ZAP70: variants seen among roughly 807,000 people sequenced by gnomAD.
ZAP70 encodes zeta chain of T cell receptor associated protein kinase 70, also known as tyrosine-protein kinase ZAP-70.
Under a neutral mutation model 65.8 loss-of-function variants are expected in ZAP70, and 27 were observed. That is an observed-to-expected ratio of 0.41 (90% CI 0.30 to 0.57). The LOEUF (loss-of-function observed/expected upper bound fraction) is 0.57. ZAP70 is among the 20% of genes least tolerant of loss of function. The probability of loss-of-function intolerance (pLI) is 0.28; values close to 1 mark genes in which losing one functional copy is unlikely to be tolerated. For missense variants in ZAP70, 696 were observed against 870.5 expected, an observed-to-expected ratio of 0.80 and a Z score of 2.52; for synonymous variants, 363 against 360.8, an observed-to-expected ratio of 1.01 and a Z score of -0.07.
chr2:97,723,928 C>A, intron 2 of ZAP70, 88 bp from the exon 3 acceptor site: 2 of 1,435,836 alleles, frequency 1.4e-6, no homozygotes, highest in Non-Finnish European at 1.9e-6. Flanking sequence ...TGATGCCCTC[C>A]ACTTGGCGTC....
chr2:97,721,687 C>G (rs1677164551), intron 2 of ZAP70, among the ~76,000 whole-genome samples: 1 of 151,246 alleles, frequency 6.6e-6, no homozygotes, highest in South Asian at 2.1e-4. Flanking sequence ...CCGCCTCGGC[C>G]TCCCATAATG....
At chr2:97,726,795 A>G (rs6724539) in intron 4 of ZAP70, among the ~76,000 whole-genome samples, 74,802 of 151,838 alleles carry the variant, frequency 0.49, 19,219 homozygotes, top group African/African-American at 0.57. Context: ...AGTTGCCGGC[A>G]CAACTTCTGA....
Position 97,735,556 on chromosome 2 carries a change from G to A in ZAP70, c.1289+100G>A, listed in dbSNP as rs1376395829. 5.7e-6 allele frequency: 8 copies of A among 1,399,562 alleles called. No individual in the cohort carries two copies. In the Admixed American group the frequency reaches 1.2e-4, roughly 20 times the overall value. The allele number at this position is 1,399,562 out of a possible 1,614,324, so 86.7% of individuals were successfully genotyped here. On this transcript the variant is annotated intron_variant, in intron 10 of 13. Transcript: ENST00000264972. ...CGTGCATGCGTGTGTGGGAAGCCGG[G>A]GCACTTCCACACCATCGTGGACACA...
the ZAP70 span, among the ~76,000 whole-genome samples, chr2:97,745,246 C>T: frequency 4.0e-4 from 61 of 152,298 alleles, no homozygotes; most frequent in Admixed American, 2.3e-3. Context: ...ACCATGTTGG[C>T]CAGGCTGGTC....
chr2:97,737,329 G>A lies in ZAP70; in HGVS notation c.1290-144G>A, dbSNP rs1452891381. Reference sequence around the variant, plus strand: ...TTCACTGCTGTGTCCCCAGCCCCACGCCTGGCACACAGCAGGTGCTCAATA... The same window carrying A: ...TTCACTGCTGTGTCCCCAGCCCCACACCTGGCACACAGCAGGTGCTCAATA... On this transcript the variant is annotated intron_variant, in intron 10 of 13. Transcript: ENST00000264972. The surrounding 1 kb of genome is among the most constrained non-coding windows in gnomAD (Gnocchi z 5.0). The A allele has an allele frequency of 2.0e-5, 16 of 816,688 alleles. 1 individual carries two copies. The highest frequency in any genetic ancestry group is 9.2e-5 in the South Asian group (6 of 65,056). 50.6% of individuals were successfully genotyped at this position (816,688 alleles called of 1,614,324 possible).
At chr2:97,738,532 C>T (rs992335413) in intron 13 of ZAP70, 6 of 262,340 alleles carry the variant, frequency 2.3e-5, no homozygotes, top group Middle Eastern at 1.3e-3. Flanking sequence ...GTACCAAATA[C>T]TCATCTATTC....
intron 2 of ZAP70, among the ~76,000 whole-genome samples, chr2:97,720,169 T>C (rs1677105109): frequency 1.3e-5 from 2 of 152,208 alleles, no homozygotes; most frequent in South Asian, 4.1e-4. Flanking sequence ...TGTGTGAATG[T>C]AAATTTCCAT....
At chr2:97,747,510 TG>T in the ZAP70 span, among the ~76,000 whole-genome samples, 1 of 152,182 alleles carries the variant, frequency 6.6e-6, no homozygotes, top group Non-Finnish European at 1.5e-5. Flanking sequence ...GTGTTAAGCA[TG>T]GGCAAATCCA....
chr2:97,736,862 G>C lies in ZAP70; in HGVS notation c.1290-611G>C, dbSNP rs1349132760. 1.3e-5 allele frequency among the ~76,000 whole-genome samples: 2 copies of C among 152,120 alleles called. No individual in the cohort carries two copies. The highest frequency in any genetic ancestry group is 1.5e-5 in the Non-Finnish European group (1 of 68,028). The stretch of plus-strand genomic sequence containing the variant: ...TTACCCTGAGTTGGGTGGGAGCTAG[G>C]GGGTGCTGTGAGCAGAGGAGGGGGA... On this transcript the variant is annotated intron_variant, in intron 10 of 13. Transcript: ENST00000264972. This position sits in a 1 kb window ranked among gnomAD's most constrained non-coding sequence, Gnocchi z 4.0.
At chr2:97,716,692 C>T (rs963014897) in intron 2 of ZAP70, among the ~76,000 whole-genome samples, 5 of 152,080 alleles carry the variant, frequency 3.3e-5, no homozygotes, top group African/African-American at 4.8e-5. Flanking sequence ...TGAGGAGGCC[C>T]GTGTGGCTGG....
At chr2:97,742,895 C>T (rs1210879094), downstream of ZAP70, among the ~76,000 whole-genome samples, 1 of 152,180 alleles carries the variant, frequency 6.6e-6, no homozygotes, top group East Asian at 1.9e-4. Context: ...CTTTTCTGGG[C>T]TTCATTTAAC....
chr2:97,735,589 C>T, intron 10 of ZAP70, 133 bp downstream of exon 10: 1 of 1,034,226 alleles, frequency 9.7e-7, no homozygotes, highest in East Asian at 2.5e-5. Flanking sequence ...ACACTCTCAG[C>T]CTGCACACCC....
In ZAP70 at chr2:97,735,312, A is replaced by T; in HGVS notation, c.1145A>T (p.Glu382Val). 1 of 1,614,136 alleles carries T rather than the reference A, an allele frequency of 6.2e-7. No individual in the cohort carries two copies. The highest frequency in any genetic ancestry group is 8.5e-7 in the Non-Finnish European group (1 of 1,179,984). ...KQGTEKADTE[E>V]MMREAQIMHQ... ...GGCACGGAGAAGGCAGACACGGAAG[A>T]GATGATGCGCGAGGCGCAGATCATG... Residue 382 changes from glutamate to valine, a missense_variant, in exon 10 of 14, where the codon GAG becomes GTG. Glu to Val is a moderately radical substitution (Grantham distance 121). Around this residue, in one of 3 missense-constraint regions of ZAP70, gnomAD observed 551 missense variants for 630.0 expected, o/e 0.87. Coordinates refer to ENST00000264972, the MANE Select transcript of ZAP70 (RefSeq NM_001079.4).
chr2:97,727,773 T>C (rs1677450023), intron 4 of ZAP70, among the ~76,000 whole-genome samples: 1 of 152,176 alleles, frequency 6.6e-6, no homozygotes, highest in Admixed American at 6.5e-5. Context: ...ATCCCCACCA[T>C]CTCTGCCTCT....
At chr2:97,742,132 C>T (rs533064783), downstream of ZAP70, among the ~76,000 whole-genome samples, 5 of 152,240 alleles carry the variant, frequency 3.3e-5, no homozygotes, top group Admixed American at 6.5e-5. Flanking sequence ...GGGAAGAAAA[C>T]GCAAGGCCTG....
chr2:97,750,236 G>A, the ZAP70 span, among the ~76,000 whole-genome samples: 474 of 152,328 alleles, frequency 3.1e-3, 2 homozygotes, highest in African/African-American at 0.011. Context: ...CAGCAGCAAC[G>A]CACCGCAGTT....
chr2:97,715,527 G>C lies in ZAP70; in HGVS notation c.-22+1533G>C, dbSNP rs961366648. On this transcript the variant is annotated intron_variant, in intron 2 of 13. Coordinates refer to ENST00000264972, the MANE Select transcript of ZAP70 (RefSeq NM_001079.4). This position sits in a 1 kb window ranked among gnomAD's most constrained non-coding sequence, Gnocchi z 4.1. ...GAGTTGGGGGCCTCACTGGAGGGGC[G>C]GTGGAAGGGCATTGTTCAATCAACA... 6.6e-6 allele frequency among the ~76,000 whole-genome samples: 1 copy of C among 152,202 alleles called. No individual in the cohort carries two copies. Among genetic ancestry groups the C allele is most frequent in the Non-Finnish European group, 1.5e-5 (1 of 68,042 alleles).
chr2:97,734,382 C>T (rs1388277799), intron 8 of ZAP70, 138 bp from the exon 9 acceptor site: 1 of 1,442,730 alleles, frequency 6.9e-7, no homozygotes, highest in African/African-American at 1.4e-5. Context: ...TGTGCAGGAA[C>T]ACGCATGGGC....
At chr2:97,748,619 G>A in the ZAP70 span, among the ~76,000 whole-genome samples, 1 of 152,152 alleles carries the variant, frequency 6.6e-6, no homozygotes, top group Non-Finnish European at 1.5e-5. Context: ...GGCTGCGTGA[G>A]GCCAGGTGCG....
Sources: gnomAD v4.1 joint callset for allele counts (sites outside exome capture counted in the v4.1 genomes callset) on GRCh38, gnomAD v4.1.1 for gene constraint, gnomAD v4.1.1 regional missense constraint, Gnocchi (gnomAD v3.1) non-coding constraint, MANE v1.5 for transcripts, NCBI Gene and HGNC (gene_info 2026-07-23, HGNC 2026-07-21) for gene names.